Variants in ZNF804B observed in about 807,000 individuals in gnomAD.
The protein encoded by ZNF804B is zinc finger 804B.
In ZNF804B, 80 loss-of-function variants were observed where a neutral mutation model predicts 101.4. That is an observed-to-expected ratio of 0.79 (90% CI 0.66 to 0.95). The LOEUF (loss-of-function observed/expected upper bound fraction) is 0.95, where lower values mean the gene tolerates loss of function less well. ZNF804B is among the 40% of genes least tolerant of loss of function. ZNF804B has a pLI of 0.00. For synonymous variants in ZNF804B, 622 were observed against 558.8 expected (o/e 1.11, Z -1.59); for missense variants, 1,673 against 1,561.9 (o/e 1.07, Z -1.20).
At chr7:89,294,669 G>A (rs551097325) in intron 2 of ZNF804B, among the ~76,000 whole-genome samples, 6 of 151,458 alleles carry the variant, frequency 4.0e-5, no homozygotes, top group Non-Finnish European at 8.8e-5. Flanking sequence ...TCCTGTCTCT[G>A]TTATTTCCTT....
chr7:89,030,108 A>T (rs1046737271), intron 1 of ZNF804B, among the ~76,000 whole-genome samples: 5 of 152,134 alleles, frequency 3.3e-5, no homozygotes, highest in African/African-American at 1.2e-4. Context: ...TTCTGATGAG[A>T]TGAGTCACTG....
At chr7:88,774,312 C>T (rs1309351173) in intron 1 of ZNF804B, among the ~76,000 whole-genome samples, 3 of 151,238 alleles carry the variant, frequency 2.0e-5, no homozygotes, top group South Asian at 4.2e-4. Context: ...TTGTGGGGTG[C>T]AGCCTATGGG....
At chr7:89,048,173 G>T (rs958624265) in intron 1 of ZNF804B, among the ~76,000 whole-genome samples, 4 of 147,672 alleles carry the variant, frequency 2.7e-5, no homozygotes, top group Non-Finnish European at 3.0e-5. Flanking sequence ...CTTAGCCCCC[G>T]CTTATTAGTG....
Position 88,948,382 on chromosome 7 carries a change from G to A in ZNF804B, c.108+188298G>A, listed in dbSNP as rs116394100. On this transcript the variant is annotated intron_variant, in intron 1 of 3. Coordinates refer to ENST00000333190, the MANE Select transcript of ZNF804B (RefSeq NM_181646.5). Reference sequence around the variant, plus strand: ...CTGGAGTGCAGCGGTATGATCATGGGCCATCGCAGCCTCAACCTCCAAGGC... The same window carrying A: ...CTGGAGTGCAGCGGTATGATCATGGACCATCGCAGCCTCAACCTCCAAGGC... 2.8e-3 allele frequency among the ~76,000 whole-genome samples: 406 copies of A among 144,450 alleles called. 1 individual carries two copies. Among genetic ancestry groups the A allele is most frequent in the African/African-American group, 0.01 (388 of 38,800 alleles). The allele number at this position is 144,450 out of a possible 152,430, so 94.8% of individuals were successfully genotyped here.
intron 2 of ZNF804B, among the ~76,000 whole-genome samples, chr7:89,271,660 G>A (rs1038808321): frequency 3.9e-5 from 6 of 152,110 alleles, no homozygotes; most frequent in African/African-American, 1.4e-4. Context: ...GCTCCTCTTT[G>A]TACCTCTGGT....
chr7:88,954,090 T>C (rs189985384), intron 1 of ZNF804B, among the ~76,000 whole-genome samples: 1 of 151,900 alleles, frequency 6.6e-6, no homozygotes, highest in Admixed American at 6.6e-5. Context: ...GTTTGACTGA[T>C]TAAATACTTA....
chr7:89,205,639 G>A (rs982744050), intron 1 of ZNF804B, among the ~76,000 whole-genome samples: 1 of 152,180 alleles, frequency 6.6e-6, no homozygotes, highest in African/African-American at 2.4e-5. Context: ...GATGCCAAAG[G>A]TGGGTTCCCA....
chr7:89,171,454 C>T (rs1292685860), intron 1 of ZNF804B, among the ~76,000 whole-genome samples: 3 of 150,530 alleles, frequency 2.0e-5, no homozygotes, highest in South Asian at 2.1e-4. Context: ...TCTTCTTCTT[C>T]GACAGAGTCT....
chr7:89,259,994 A>AAG (rs1030594401), intron 2 of ZNF804B, among the ~76,000 whole-genome samples: 2 of 151,692 alleles, frequency 1.3e-5, no homozygotes, highest in African/African-American at 2.4e-5. Flanking sequence ...AAAAAATAAA[A>AAG]AGAGAGAGAG....
intron 1 of ZNF804B, among the ~76,000 whole-genome samples, chr7:88,774,584 A>G (rs1790116531): frequency 6.6e-6 from 1 of 152,210 alleles, no homozygotes; most frequent in Admixed American, 6.5e-5. Flanking sequence ...AAATGAAAAT[A>G]TACATTAGAG....
chr7:88,807,276 A>G lies in ZNF804B; in HGVS notation c.108+47192A>G, dbSNP rs967962293. On this transcript the variant is annotated intron_variant, in intron 1 of 3. Transcript: ENST00000333190. ...GCATAATTTTACTATTTAATAGTTA[A>G]GCATTTTTTTAATAATAAGATATAA... Among the ~76,000 whole-genome samples the G allele has an allele frequency of 1.7e-4, 26 of 152,186 alleles. 1 individual carries two copies. Among genetic ancestry groups the G allele is most frequent in the Non-Finnish European group, 3.7e-4 (25 of 68,020 alleles).
At chr7:89,300,565 G>T (rs1790456163) in intron 2 of ZNF804B, among the ~76,000 whole-genome samples, 1 of 151,846 alleles carries the variant, frequency 6.6e-6, no homozygotes, top group Admixed American at 6.6e-5. Context: ...GGTCTAGAAA[G>T]GGCAGAAGTC....
intron 1 of ZNF804B, among the ~76,000 whole-genome samples, chr7:89,019,512 G>A (rs558817803): frequency 9.1e-4 from 138 of 152,126 alleles, no homozygotes; most frequent in Non-Finnish European, 8.1e-4. Flanking sequence ...ATCGTGCACT[G>A]TAACTTTGAT....
chr7:89,270,139 C>A (rs1456745638), intron 2 of ZNF804B, among the ~76,000 whole-genome samples: 1 of 152,168 alleles, frequency 6.6e-6, no homozygotes, highest in African/African-American at 2.4e-5. Context: ...AGTCCTTGCC[C>A]ATGCCTATGT....
intron 1 of ZNF804B, among the ~76,000 whole-genome samples, chr7:88,835,967 A>G (rs142327365): frequency 6.6e-6 from 1 of 152,112 alleles, no homozygotes; most frequent in Non-Finnish European, 1.5e-5. Flanking sequence ...TGAGCCAAAC[A>G]TTCTCTGTAA....
chr7:89,221,938 T>C (rs1053489699), intron 2 of ZNF804B, among the ~76,000 whole-genome samples: 5 of 151,920 alleles, frequency 3.3e-5, no homozygotes, highest in Non-Finnish European at 7.4e-5. Flanking sequence ...GTAATCTAAA[T>C]GAGGAGAAGA....
intron 1 of ZNF804B, among the ~76,000 whole-genome samples, chr7:89,201,084 G>T (rs1166016257): frequency 1.3e-5 from 2 of 151,890 alleles, no homozygotes; most frequent in Admixed American, 6.6e-5. Flanking sequence ...TTAAGATATA[G>T]TTGTTTCTTA....
chr7:89,007,446 T>TTATATATA (rs61374091), intron 1 of ZNF804B, among the ~76,000 whole-genome samples: 1,969 of 56,962 alleles, frequency 0.035, 65 homozygotes, highest in East Asian at 0.073. Flanking sequence ...ATCCATGATT[T>TTATATATA]TATATATATA....
At chr7:89,067,993 A>G (rs1789480621) in intron 1 of ZNF804B, among the ~76,000 whole-genome samples, 1 of 150,768 alleles carries the variant, frequency 6.6e-6, no homozygotes, top group Non-Finnish European at 1.5e-5. Context: ...TTTTTTTGAG[A>G]GTGTTTATGT....
Sources: gnomAD v4.1 joint callset for allele counts (sites outside exome capture counted in the v4.1 genomes callset) on GRCh38, gnomAD v4.1.1 for gene constraint, MANE v1.5 for transcripts, NCBI Gene and HGNC (gene_info 2026-07-23, HGNC 2026-07-21) for gene names.